Variants in UNC13C observed in about 807,000 individuals in gnomAD.
The protein encoded by UNC13C is protein unc-13 homolog C.
UNC13C carries 174 observed loss-of-function variants against 245.4 expected under a neutral mutation model. The ratio of observed to expected loss-of-function variants is 0.71; its 90% CI spans 0.63 to 0.80. The LOEUF (loss-of-function observed/expected upper bound fraction) is 0.80, where lower values mean the gene tolerates loss of function less well. Among genes scored for constraint, UNC13C ranks in the 30% least tolerant of loss-of-function variants. UNC13C has a pLI of 0.00. For synonymous variants in UNC13C, 992 were observed against 895.1 expected (o/e 1.11, Z -1.93); for missense variants, 2,829 against 2,602.9 (o/e 1.09, Z -1.89).
At chr15:54,415,117 T>G (rs1007315757) in intron 19 of UNC13C, 50 bp downstream of exon 19, 2 of 1,328,010 alleles carry the variant, frequency 1.5e-6, no homozygotes, top group African/African-American at 2.9e-5. Flanking sequence ...AGTTAAATGG[T>G]GATATTGTGT....
the UNC13C span, among the ~76,000 whole-genome samples, chr15:53,939,988 T>C: frequency 0.11 from 16,090 of 152,114 alleles, 1,208 homozygotes; most frequent in East Asian, 0.33. Context: ...CTTGTGATGT[T>C]TATGGTAGCA....
At chr15:54,031,487 G>A (rs182904895) in intron 2 of UNC13C, among the ~76,000 whole-genome samples, 9 of 152,296 alleles carry the variant, frequency 5.9e-5, no homozygotes, top group Admixed American at 4.6e-4. Context: ...CTTCCCAAAG[G>A]GTGAAGTAAC....
intron 4 of UNC13C, among the ~76,000 whole-genome samples, chr15:54,178,758 C>G (rs28542554): frequency 0.11 from 16,155 of 152,054 alleles, 1,446 homozygotes; most frequent in African/African-American, 0.24. Context: ...TCTGTTTGCC[C>G]CCTCACCTAT....
Position 54,119,312 on chromosome 15 carries a change from G to A in UNC13C, c.2984-23706G>A, listed in dbSNP as rs549174638. 8.7e-4 allele frequency among the ~76,000 whole-genome samples: 126 copies of A among 144,762 alleles called. 1 individual carries two copies. The highest frequency in any genetic ancestry group is 1.7e-3 in the Non-Finnish European group (111 of 63,860). The allele number at this position is 144,762 out of a possible 152,430, so 95.0% of individuals were successfully genotyped here. On this transcript the variant is annotated intron_variant, in intron 2 of 32. Transcript: ENST00000260323. ...CACTTCATGTCTCTGTATCACATTT[G>A]GTAATTCTTGAAATATTTTAATTTT...
rs770150249 is a variant in UNC13C at position 54,013,246 on chromosome 15, G to C, written c.343G>C (p.Asp115His). 1.2e-6 allele frequency: 2 copies of C among 1,613,572 alleles called. No individual in the cohort carries two copies. The highest frequency in any genetic ancestry group is 1.7e-6 in the Non-Finnish European group (2 of 1,179,802). The change falls in exon 2 of 33, where the codon GAT becomes CAT. Residue 115 changes from aspartate (D) to histidine (H), a missense_variant. Coordinates refer to ENST00000260323, the MANE Select transcript of UNC13C (RefSeq NM_001080534.3). ...NAKVTNSDNE[D>H]LLQELSSIES... ...TAAAGTAACCAACAGTGATAATGAG[G>C]ATCTGCTTCAAGAGCTCTCTTCAAT...
At chr15:54,016,027 G>T (rs181202831) in intron 2 of UNC13C, 141 bp downstream of exon 2, 73 of 724,992 alleles carry the variant, frequency 1.0e-4, no homozygotes, top group Non-Finnish European at 2.4e-5. Context: ...GGAGCATTTT[G>T]TTTTACTCAG....
At chr15:54,180,911 G>C (rs897459592) in intron 4 of UNC13C, among the ~76,000 whole-genome samples, 1 of 152,016 alleles carries the variant, frequency 6.6e-6, no homozygotes, top group Non-Finnish European at 1.5e-5. Context: ...TGGATGTGTA[G>C]TTTGAAAATA....
chr15:54,307,186 C>T (rs185640530), intron 13 of UNC13C, among the ~76,000 whole-genome samples: 2 of 151,538 alleles, frequency 1.3e-5, no homozygotes, highest in East Asian at 3.9e-4. Flanking sequence ...TTATAAACAA[C>T]AGAAATTTAT....
At chr15:54,308,010 G>T (rs954524107) in intron 13 of UNC13C, among the ~76,000 whole-genome samples, 3 of 151,834 alleles carry the variant, frequency 2.0e-5, no homozygotes, top group Non-Finnish European at 4.4e-5. Flanking sequence ...CTTTCATTTT[G>T]CATAGTATCT....
intron 17 of UNC13C, among the ~76,000 whole-genome samples, chr15:54,380,228 C>T (rs962165819): frequency 6.6e-6 from 1 of 151,716 alleles, no homozygotes; most frequent in African/African-American, 2.4e-5. Flanking sequence ...CATACATGAG[C>T]GTGATTTTTG....
the UNC13C span, among the ~76,000 whole-genome samples, chr15:53,933,116 C>G: frequency 6.6e-6 from 1 of 152,132 alleles, no homozygotes; most frequent in Non-Finnish European, 1.5e-5. Context: ...CTCTTCAACT[C>G]TAAATCTACT....
At chr15:54,225,677 G>A (rs2035360656) in intron 4 of UNC13C, among the ~76,000 whole-genome samples, 1 of 152,246 alleles carries the variant, frequency 6.6e-6, no homozygotes, top group Non-Finnish European at 1.5e-5. Context: ...AGAATTTGCT[G>A]AAGTTGCTTA....
At chr15:54,453,473 T>C (rs12148262) in intron 19 of UNC13C, among the ~76,000 whole-genome samples, 59,609 of 152,096 alleles carry the variant, frequency 0.39, 11,964 homozygotes, top group East Asian at 0.63. Context: ...TTACATAATA[T>C]TCCACCAAAT....
chr15:54,441,323 T>C (rs1008373215), intron 19 of UNC13C, among the ~76,000 whole-genome samples: 1 of 152,136 alleles, frequency 6.6e-6, no homozygotes, highest in African/African-American at 2.4e-5. Context: ...AGGTGTTTAA[T>C]CTATGTTTGG....
intron 13 of UNC13C, among the ~76,000 whole-genome samples, chr15:54,311,440 A>C (rs1395835612): frequency 6.6e-6 from 1 of 151,786 alleles, no homozygotes; most frequent in Non-Finnish European, 1.5e-5. Context: ...ATTAGCTCAC[A>C]AGAAAAACAC....
At chr15:53,901,659 C>G in the UNC13C span, among the ~76,000 whole-genome samples, 1 of 152,076 alleles carries the variant, frequency 6.6e-6, no homozygotes, top group Non-Finnish European at 1.5e-5. Context: ...TAAACTCTGT[C>G]TTTATTGTAA....
At chr15:53,851,666 A>T in the UNC13C span, among the ~76,000 whole-genome samples, 1 of 152,178 alleles carries the variant, frequency 6.6e-6, no homozygotes, top group African/African-American at 2.4e-5. Flanking sequence ...TGCTGCACAG[A>T]GAGACCAAGA....
the UNC13C span, among the ~76,000 whole-genome samples, chr15:53,883,971 C>T: frequency 2.0e-5 from 3 of 152,246 alleles, no homozygotes; most frequent in East Asian, 5.8e-4. Flanking sequence ...AGGGTAGGTT[C>T]CTTCTGTTTT....
chr15:54,240,817 G>A (rs1175809380), intron 7 of UNC13C, among the ~76,000 whole-genome samples: 4 of 152,292 alleles, frequency 2.6e-5, no homozygotes, highest in Admixed American at 6.5e-5. Context: ...CTAGCACTCC[G>A]CTATCCATCT....
Sources: allele counts gnomAD v4.1 joint callset (sites outside exome capture counted in the v4.1 genomes callset), GRCh38; gene constraint gnomAD v4.1.1; transcripts MANE v1.5; gene names NCBI Gene and HGNC (gene_info 2026-07-23, HGNC 2026-07-21).